MAGI3: variants seen among roughly 807,000 people sequenced by gnomAD.
MAGI3 encodes membrane associated guanylate kinase, WW and PDZ domain containing 3, also known as membrane-associated guanylate kinase, WW and PDZ domain-containing protein 3.
A neutral mutation model predicts 121.8 loss-of-function variants in MAGI3; 43 were observed. That is an observed-to-expected ratio of 0.35 (90% confidence interval 0.28 to 0.46). The LOEUF is 0.46. Among genes scored for constraint, MAGI3 ranks in the 20% least tolerant of loss-of-function variants. The probability of loss-of-function intolerance (pLI) is 1.00; values close to 1 mark genes in which losing one functional copy is unlikely to be tolerated. For synonymous variants in MAGI3, 553 were observed against 639.3 expected, an observed-to-expected ratio of 0.86 and a Z score of 2.04; for missense variants, 1,547 against 1,797.3, an observed-to-expected ratio of 0.86 and a Z score of 2.52.
chr1:113,622,883 A>G lies in MAGI3; in HGVS notation c.1249A>G (p.Thr417Ala). ...TGTTCGAGCATCACTGAAAAAAAGC[A>G]CAATGGGATTTGGTTTTACTATTAT... Reference protein sequence around the residue: ...VLVRASLKKSTMGFGFTIIGG... With the variant: ...VLVRASLKKSAMGFGFTIIGG... The change falls in exon 9 of 21, where the codon ACA (threonine) becomes GCA (alanine). Residue 417 changes from threonine (T) to alanine (A), a missense_variant. Thr to Ala is a moderately conservative substitution (Grantham distance 58). Transcript: ENST00000307546. The G allele has an allele frequency of 6.2e-7, 1 of 1,604,268 alleles. No homozygotes were observed. Among genetic ancestry groups the G allele is most frequent in the Non-Finnish European group, 8.5e-7 (1 of 1,176,452 alleles).
intron 6 of MAGI3, among the ~76,000 whole-genome samples, chr1:113,601,983 A>G (rs1482410020): frequency 6.6e-6 from 1 of 151,942 alleles, no homozygotes; most frequent in Non-Finnish European, 1.5e-5. Context: ...CAAAAAACCA[A>G]ACACCGTATA....
At chr1:113,559,790 C>T (rs137934685) in intron 2 of MAGI3, among the ~76,000 whole-genome samples, 40 of 152,160 alleles carry the variant, frequency 2.6e-4, no homozygotes, top group African/African-American at 8.2e-4. Flanking sequence ...GGGCTGGTCT[C>T]GAATTCCTGA....
intron 7 of MAGI3, 37 bp downstream of exon 7, chr1:113,614,695 T>C (rs374379277): frequency 7.1e-4 from 1,047 of 1,476,542 alleles, no homozygotes; most frequent in Admixed American, 8.2e-4. Flanking sequence ...CTCCCAAATA[T>C]TTTCCTTTCA....
intron 6 of MAGI3, among the ~76,000 whole-genome samples, chr1:113,602,077 T>C (rs1025529431): frequency 1.6e-5 from 2 of 128,454 alleles, no homozygotes; most frequent in African/African-American, 3.1e-5. Context: ...TGCTGTGGGG[T>C]GGGGGGAGTG....
intron 1 of MAGI3, among the ~76,000 whole-genome samples, chr1:113,424,573 C>A (rs1296121061): frequency 6.6e-6 from 1 of 151,982 alleles, no homozygotes; most frequent in African/African-American, 2.4e-5. Flanking sequence ...GATATATAAC[C>A]TTTTGGGAAT....
intron 5 of MAGI3, among the ~76,000 whole-genome samples, chr1:113,593,441 C>T (rs1246617945): frequency 6.6e-6 from 1 of 151,958 alleles, no homozygotes; most frequent in African/African-American, 2.4e-5. Context: ...CACTTGGGAG[C>T]CTGAAGCAGG....
At chr1:113,536,997 T>A (rs1034357649) in intron 1 of MAGI3, among the ~76,000 whole-genome samples, 1 of 152,232 alleles carries the variant, frequency 6.6e-6, no homozygotes, top group African/African-American at 2.4e-5. Context: ...GTTACTTTTT[T>A]AATATGCCAG....
intron 1 of MAGI3, among the ~76,000 whole-genome samples, chr1:113,415,469 A>G (rs1285373533): frequency 6.6e-6 from 1 of 151,814 alleles, no homozygotes. Flanking sequence ...TTTTTTTCCT[A>G]TCACTTTCTG....
chr1:113,625,685 T>C (rs1651197557), intron 9 of MAGI3, among the ~76,000 whole-genome samples: 1 of 152,180 alleles, frequency 6.6e-6, no homozygotes, highest in Non-Finnish European at 1.5e-5. Flanking sequence ...ATGCCTGTTA[T>C]TTCTTTCTCC....
At chr1:113,473,075 G>A in intron 1 of MAGI3, among the ~76,000 whole-genome samples, 1 of 152,016 alleles carries the variant, frequency 6.6e-6, no homozygotes, top group East Asian at 1.9e-4. Flanking sequence ...TTGTCAATTA[G>A]CATTCTTTCA....
At chr1:113,600,158 G>T (rs550418461) in intron 6 of MAGI3, among the ~76,000 whole-genome samples, 9 of 152,222 alleles carry the variant, frequency 5.9e-5, no homozygotes, top group Admixed American at 1.3e-4. Context: ...TTGAAAACTG[G>T]CACAAGACAG....
At position 113,684,248 on chromosome 1, in the gene MAGI3, T is replaced by G; in HGVS notation, c.*234T>G. The G allele has an allele frequency of 2.6e-6, 1 of 387,530 alleles. No homozygotes were observed. Among genetic ancestry groups the G allele is most frequent in the Non-Finnish European group, 4.6e-6 (1 of 219,000 alleles). The allele number at this position is 387,530 out of a possible 1,614,324, so 24.0% of individuals were successfully genotyped here. ...AAGGAGCTGCATCCACATGCTCATC[T>G]GACCCGCCCTGCTCAGGCTGCCCAG... On this transcript the variant is annotated 3_prime_UTR_variant, in exon 21 of 21. Coordinates refer to ENST00000307546, the MANE Select transcript of MAGI3 (RefSeq NM_001142782.2).
intron 1 of MAGI3, among the ~76,000 whole-genome samples, chr1:113,458,580 A>G (rs1308393452): frequency 6.6e-6 from 1 of 152,198 alleles, no homozygotes; most frequent in African/African-American, 2.4e-5. Flanking sequence ...GCATGATCAT[A>G]GCTCCCTGCA....
chr1:113,429,969 G>A (rs1028654896), intron 1 of MAGI3, among the ~76,000 whole-genome samples: 2 of 152,018 alleles, frequency 1.3e-5, no homozygotes, highest in Non-Finnish European at 2.9e-5. Flanking sequence ...TGAAACAGTG[G>A]CCTTAGTGTT....
chr1:113,608,139 T>C (rs1488185782), intron 6 of MAGI3, among the ~76,000 whole-genome samples: 1 of 152,112 alleles, frequency 6.6e-6, no homozygotes, highest in Admixed American at 6.6e-5. Context: ...TGTAACTAGA[T>C]ACCACACTCA....
chr1:113,432,584 A>G (rs1418047093), intron 1 of MAGI3, among the ~76,000 whole-genome samples: 2 of 151,912 alleles, frequency 1.3e-5, no homozygotes. Context: ...CCGAGACAGG[A>G]CTGAAACTCC....
intron 1 of MAGI3, among the ~76,000 whole-genome samples, chr1:113,513,947 A>C (rs1199158808): frequency 6.6e-6 from 1 of 151,154 alleles, no homozygotes; most frequent in African/African-American, 2.4e-5. Context: ...AAACAACCCC[A>C]TCAAAAAGTG....
intron 6 of MAGI3, among the ~76,000 whole-genome samples, chr1:113,603,760 C>A (rs138437313): frequency 1.5e-4 from 23 of 152,122 alleles, no homozygotes; most frequent in African/African-American, 5.5e-4. Context: ...CCAGAATCTA[C>A]AAGGAACTCA....
intron 15 of MAGI3, among the ~76,000 whole-genome samples, chr1:113,655,804 T>C (rs141007760): frequency 6.6e-6 from 1 of 152,294 alleles, no homozygotes; most frequent in Non-Finnish European, 1.5e-5. Context: ...CCCTGTCTCA[T>C]GAATGTGAGG....
Sources: allele counts gnomAD v4.1 joint callset (sites outside exome capture counted in the v4.1 genomes callset), GRCh38; gene constraint gnomAD v4.1.1; transcripts MANE v1.5; gene names NCBI Gene and HGNC (gene_info 2026-07-23, HGNC 2026-07-21).